NFATC1: variants seen among roughly 807,000 people sequenced by gnomAD.
The protein encoded by NFATC1 is nuclear factor of activated T-cells, cytoplasmic 1.
Under a neutral mutation model 76.0 loss-of-function variants are expected in NFATC1, and 22 were observed. That is an observed-to-expected ratio of 0.29 (90% CI 0.21 to 0.41). The LOEUF (loss-of-function observed/expected upper bound fraction) is 0.41, where lower values mean the gene tolerates loss of function less well. Ranked by LOEUF, NFATC1 falls within the 10% of genes least tolerant of loss-of-function variation. NFATC1 has a pLI of 1.00. For synonymous variants in NFATC1, 704 were observed against 613.1 expected, an observed-to-expected ratio of 1.15 and a Z score of -2.19; for missense variants, 1,357 against 1,337.7, an observed-to-expected ratio of 1.01 and a Z score of -0.23.
chr18:79,451,512 G>A (rs1335139285), intron 5 of NFATC1, among the ~76,000 whole-genome samples, 164 bp from the exon 6 acceptor site: 3 of 152,206 alleles, frequency 2.0e-5, no homozygotes, highest in African/African-American at 4.8e-5. Flanking sequence ...AAGTGTGCAC[G>A]GCTTCTCCCC....
intron 8 of NFATC1, among the ~76,000 whole-genome samples, chr18:79,481,836 T>C (rs1453146229): frequency 1.5e-4 from 21 of 143,770 alleles, no homozygotes; most frequent in African/African-American, 5.6e-4. Context: ...AATTCCAGCG[T>C]GACCTGGTTC....
chr18:79,398,398 G>A (rs1044137684), intron 1 of NFATC1, among the ~76,000 whole-genome samples: 18 of 152,266 alleles, frequency 1.2e-4, no homozygotes, highest in African/African-American at 4.1e-4. Flanking sequence ...TTCTGTCTCC[G>A]CAGACATCCC....
chr18:79,504,483 C>T (rs982604900), intron 9 of NFATC1, among the ~76,000 whole-genome samples: 2 of 152,188 alleles, frequency 1.3e-5, no homozygotes, highest in African/African-American at 2.4e-5. Flanking sequence ...TAGATGGGCA[C>T]AGTTCGTGGC....
At chr18:79,503,240 G>C (rs1022727181) in intron 9 of NFATC1, among the ~76,000 whole-genome samples, 6 of 152,170 alleles carry the variant, frequency 3.9e-5, no homozygotes, top group Admixed American at 1.3e-4. Flanking sequence ...TCCCTTGCAT[G>C]CACACCTCAG....
intron 2 of NFATC1, among the ~76,000 whole-genome samples, chr18:79,432,564 C>T (rs193166193): frequency 7.5e-4 from 114 of 152,320 alleles, no homozygotes; most frequent in African/African-American, 2.2e-3. Context: ...ACAGACTGAG[C>T]GGGAGAGGAG....
chr18:79,488,660 G>A (rs1003104138), intron 9 of NFATC1, among the ~76,000 whole-genome samples: 2 of 152,230 alleles, frequency 1.3e-5, no homozygotes, highest in African/African-American at 4.8e-5. Context: ...CCTGAGCACA[G>A]ATGGACTCTG....
Position 79,486,954 on chromosome 18 carries a change from A to G in NFATC1, c.2782+17A>G, listed in dbSNP as rs2089520515. 4 of 1,576,204 alleles carry G rather than the reference A, an allele frequency of 2.5e-6. No individual in the cohort carries two copies. The highest frequency in any genetic ancestry group is 3.5e-6 in the Non-Finnish European group (4 of 1,157,844). ...TGGATGACGGTGAGTGCCCGCAGCC[A>G]TGCAGGTGTGTGCCCCGCCTGGCGC... is the stretch of plus-strand genomic sequence containing the variant. On this transcript the variant is annotated intron_variant, in intron 9 of 9. Transcript: ENST00000427363.
intron 3 of NFATC1, 70 bp from the exon 4 acceptor site, chr18:79,448,711 CT>C: frequency 7.3e-6 from 11 of 1,513,332 alleles, no homozygotes; most frequent in Non-Finnish European, 9.0e-6. Flanking sequence ...CGCAGGTTTT[CT>C]CTGCGTTCCG....
intron 2 of NFATC1, among the ~76,000 whole-genome samples, chr18:79,424,753 GTC>G (rs1312550913): frequency 7.1e-6 from 1 of 141,388 alleles, no homozygotes; most frequent in African/African-American, 2.7e-5. Context: ...GTCTGTCCCT[GTC>G]TCTGTTTCTC....
intron 8 of NFATC1, among the ~76,000 whole-genome samples, chr18:79,483,153 A>C (rs1245429045): frequency 3.4e-4 from 19 of 55,124 alleles, no homozygotes; most frequent in South Asian, 8.6e-4. Context: ...CCTGGGGTGT[A>C]ATTCCAGCGT....
chr18:79,462,624 T>A (rs2088174079), intron 7 of NFATC1, among the ~76,000 whole-genome samples: 1 of 152,246 alleles, frequency 6.6e-6, no homozygotes, highest in Non-Finnish European at 1.5e-5. Context: ...TTATTATTGA[T>A]ACAGTTGGAT....
intron 8 of NFATC1, among the ~76,000 whole-genome samples, chr18:79,473,800 T>G (rs1242826463): frequency 6.7e-6 from 1 of 149,252 alleles, no homozygotes; most frequent in Non-Finnish European, 1.5e-5. Context: ...GGAAGCGTGT[T>G]CTCACGCTCA....
chr18:79,434,906 C>T (rs879674217), intron 3 of NFATC1, among the ~76,000 whole-genome samples: 2 of 152,212 alleles, frequency 1.3e-5, no homozygotes, highest in Admixed American at 6.5e-5. Flanking sequence ...CAATTAGTAC[C>T]TCCCTCGTTG....
intron 1 of NFATC1, among the ~76,000 whole-genome samples, chr18:79,407,471 G>A (rs2085483002): frequency 6.6e-6 from 1 of 152,106 alleles, no homozygotes; most frequent in Non-Finnish European, 1.5e-5. Flanking sequence ...GATTTGACAG[G>A]GTCTTGCTGT....
intron 9 of NFATC1, among the ~76,000 whole-genome samples, chr18:79,508,611 C>G (rs947291949): frequency 3.3e-5 from 5 of 152,076 alleles, no homozygotes; most frequent in African/African-American, 1.2e-4. Flanking sequence ...TTCTCTGTAT[C>G]TCTATCCCTC....
At chr18:79,487,947 T>C (rs1488207325) in intron 9 of NFATC1, among the ~76,000 whole-genome samples, 1 of 152,140 alleles carries the variant, frequency 6.6e-6, no homozygotes, top group African/African-American at 2.4e-5. Flanking sequence ...TCCTCCCAAG[T>C]GTATGACGTT....
chr18:79,476,069 T>C (rs1385399337), intron 8 of NFATC1, among the ~76,000 whole-genome samples: 2 of 150,820 alleles, frequency 1.3e-5, no homozygotes, highest in African/African-American at 5.0e-5. Context: ...AAGGGGCTTG[T>C]TGAGAAATCT....
intron 2 of NFATC1, among the ~76,000 whole-genome samples, chr18:79,411,719 CTCCG>C (rs1422951979): frequency 6.6e-6 from 1 of 152,216 alleles, no homozygotes; most frequent in African/African-American, 2.4e-5. Context: ...TCGCCTCTGC[CTCCG>C]TCTGCGCGTT....
chr18:79,516,977 ACAGT>A (rs2090400974), intron 9 of NFATC1, among the ~76,000 whole-genome samples: 1 of 152,246 alleles, frequency 6.6e-6, no homozygotes, highest in Non-Finnish European at 1.5e-5. Flanking sequence ...AAACCATAAA[ACAGT>A]CAGTAAACAC....
Sources: gnomAD v4.1 joint callset for allele counts (sites outside exome capture counted in the v4.1 genomes callset) on GRCh38, gnomAD v4.1.1 for gene constraint, MANE v1.5 for transcripts, NCBI Gene and HGNC (gene_info 2026-07-23, HGNC 2026-07-21) for gene names.